The following HS6ST3 variants were observed in gnomAD, a reference collection of about 807,000 sequenced individuals.
HS6ST3 encodes heparan sulfate 6-O-sulfotransferase 3.
Under a neutral mutation model 36.7 loss-of-function variants are expected in HS6ST3, and 12 were observed. The observed-to-expected ratio is 0.33, with a 90% CI of 0.21 to 0.53. HS6ST3 has a LOEUF of 0.53. Ranked by LOEUF, HS6ST3 falls within the 20% of genes least tolerant of loss-of-function variation. The pLI is 0.95. For synonymous variants in HS6ST3, 240 were observed against 257.5 expected (o/e 0.93, Z 0.65); for missense variants, 584 against 640.9 (o/e 0.91, Z 0.96).
intron 1 of HS6ST3, among the ~76,000 whole-genome samples, chr13:96,714,430 GAAT>G (rs1875642127): frequency 6.6e-6 from 1 of 152,148 alleles, no homozygotes; most frequent in Admixed American, 6.6e-5. Flanking sequence ...AGTAAAGGGA[GAAT>G]GAAGCAAAGC....
intron 1 of HS6ST3, among the ~76,000 whole-genome samples, chr13:96,639,108 A>T (rs2056561125): frequency 6.6e-6 from 1 of 151,960 alleles, no homozygotes; most frequent in Non-Finnish European, 1.5e-5. Context: ...TTTCTGTTTT[A>T]TCTATTATTG....
intron 1 of HS6ST3, among the ~76,000 whole-genome samples, chr13:96,759,566 TC>T (rs1403918015): frequency 6.6e-6 from 1 of 151,926 alleles, no homozygotes; most frequent in Non-Finnish European, 1.5e-5. Flanking sequence ...ACAACACAAT[TC>T]ATACCCCTAT....
intron 1 of HS6ST3, among the ~76,000 whole-genome samples, chr13:96,630,569 T>A (rs1216967575): frequency 6.6e-6 from 1 of 152,144 alleles, no homozygotes; most frequent in Non-Finnish European, 1.5e-5. Flanking sequence ...CAGCTTTCTA[T>A]AGGGTTCTAT....
At chr13:96,806,059 C>A (rs557003402) in intron 1 of HS6ST3, among the ~76,000 whole-genome samples, 1 of 152,240 alleles carries the variant, frequency 6.6e-6, no homozygotes, top group African/African-American at 2.4e-5. Context: ...TATTTATGCA[C>A]CCTAACAAAT....
intron 1 of HS6ST3, among the ~76,000 whole-genome samples, chr13:96,733,504 C>T (rs1397045007): frequency 6.6e-6 from 1 of 152,102 alleles, no homozygotes; most frequent in Non-Finnish European, 1.5e-5. Context: ...TTGTACATTT[C>T]TTTTGATAGT....
rs982800286 is a variant in HS6ST3, at chr13:96,103,177, A to G, written c.707+11608A>G. ...AGAGTTACTTCAGAGTTTAGGGAAA[A>G]TCTGAGACCTTTTTAAAACCTAAAG... On this transcript the variant is annotated intron_variant, in intron 1 of 1. Transcript: ENST00000376705. Among the ~76,000 whole-genome samples, 4 of 152,134 alleles carry G rather than the reference A, an allele frequency of 2.6e-5. No homozygotes were observed. The South Asian group carries it at 6.2e-4, about 24-fold the overall frequency.
At chr13:96,258,270 A>G (rs1200713713) in intron 1 of HS6ST3, among the ~76,000 whole-genome samples, 1 of 152,176 alleles carries the variant, frequency 6.6e-6, no homozygotes, top group Non-Finnish European at 1.5e-5. Flanking sequence ...TAAATCCTGG[A>G]TAATATGATC....
chr13:96,345,700 A>T (rs1284670869), intron 1 of HS6ST3, among the ~76,000 whole-genome samples: 1 of 152,136 alleles, frequency 6.6e-6, no homozygotes, highest in Non-Finnish European at 1.5e-5. Context: ...GATGGTTTTG[A>T]GATGAAACTG....
In HS6ST3 at chr13:96,136,068, A is replaced by T. The variant is rs1210242929; in HGVS notation, c.707+44499A>T. ...ACACATTCAGGTGTGTCTGCCGTATAGGGTCATTCTGAGGGTATGCTTAAG... is the reference window on the plus strand; with the variant it reads ...ACACATTCAGGTGTGTCTGCCGTATTGGGTCATTCTGAGGGTATGCTTAAG... On this transcript the variant is annotated intron_variant, in intron 1 of 1. Transcript: ENST00000376705. 2.0e-5 allele frequency among the ~76,000 whole-genome samples: 3 copies of T among 152,006 alleles called. No individual in the cohort carries two copies. In the South Asian group the frequency reaches 6.2e-4, roughly 31 times the overall value.
At chr13:96,590,870 T>C (rs529259556) in intron 1 of HS6ST3, among the ~76,000 whole-genome samples, 50 of 152,264 alleles carry the variant, frequency 3.3e-4, no homozygotes, top group African/African-American at 1.1e-3. Context: ...TTTTTGTATA[T>C]GGCAAGAGAA....
At chr13:96,735,798 C>T (rs879700714) in intron 1 of HS6ST3, among the ~76,000 whole-genome samples, 2 of 152,134 alleles carry the variant, frequency 1.3e-5, no homozygotes, top group African/African-American at 4.8e-5. Flanking sequence ...CAAAGATTCT[C>T]AGGCAACACA....
chr13:96,468,492 ACACACAC>A (rs2055825308), intron 1 of HS6ST3, among the ~76,000 whole-genome samples: 1 of 151,628 alleles, frequency 6.6e-6, no homozygotes, highest in Non-Finnish European at 1.5e-5. Flanking sequence ...ACACACACAC[ACACACAC>A]ACACACACAC....
intron 1 of HS6ST3, among the ~76,000 whole-genome samples, chr13:96,153,493 C>A (rs2054096769): frequency 1.3e-5 from 2 of 152,138 alleles, no homozygotes; most frequent in South Asian, 4.1e-4. Flanking sequence ...TATCCTGCCC[C>A]ATTTCATCCC....
chr13:96,686,148 G>A (rs598806), intron 1 of HS6ST3, among the ~76,000 whole-genome samples: 149,200 of 152,090 alleles, frequency 0.98, 73,219 homozygotes, highest in East Asian at 1. Flanking sequence ...TACCATACAC[G>A]TCTCCTCCAA....
chr13:96,210,232 T>C (rs2054392183), intron 1 of HS6ST3, among the ~76,000 whole-genome samples: 2 of 152,198 alleles, frequency 1.3e-5, no homozygotes, highest in South Asian at 2.1e-4. Context: ...AAGTGACAAA[T>C]GTAAGCCAAA....
At chr13:96,297,623 T>TC (rs1318235810) in intron 1 of HS6ST3, among the ~76,000 whole-genome samples, 1 of 152,134 alleles carries the variant, frequency 6.6e-6, no homozygotes, top group Non-Finnish European at 1.5e-5. Context: ...TTTTGCTTAC[T>TC]CCCTACCTTG....
intron 1 of HS6ST3, among the ~76,000 whole-genome samples, chr13:96,694,589 G>C (rs1875069432): frequency 6.6e-6 from 1 of 152,128 alleles, no homozygotes; most frequent in Admixed American, 6.6e-5. Context: ...TAGTAGTTCT[G>C]TTTTTAGGTC....
At chr13:96,447,427 G>T (rs974008312) in intron 1 of HS6ST3, among the ~76,000 whole-genome samples, 1 of 152,176 alleles carries the variant, frequency 6.6e-6, no homozygotes, top group African/African-American at 2.4e-5. Context: ...AGATAGTTAG[G>T]AAAAGGGGTC....
intron 1 of HS6ST3, among the ~76,000 whole-genome samples, chr13:96,466,278 C>CA (rs2139495265): frequency 1.8e-5 from 1 of 54,992 alleles, no homozygotes; most frequent in South Asian, 1.6e-3. Context: ...GAGACTATCT[C>CA]AAAAAAGAAA....
Sources: allele counts gnomAD v4.1 joint callset (sites outside exome capture counted in the v4.1 genomes callset), GRCh38; gene constraint gnomAD v4.1.1; transcripts MANE v1.5; gene names NCBI Gene and HGNC (gene_info 2026-07-23, HGNC 2026-07-21).